RBFOX1: variants seen among roughly 807,000 people sequenced by gnomAD.
RBFOX1 encodes the protein RNA binding protein fox-1 homolog 1.
RBFOX1 carries 8 observed loss-of-function variants against 57.7 expected under a neutral mutation model. The ratio of observed to expected loss-of-function variants is 0.14; its 90% confidence interval spans 0.08 to 0.25. RBFOX1 has a LOEUF of 0.25. RBFOX1 is among the 10% of genes least tolerant of loss of function. The pLI, the probability that RBFOX1 is intolerant of heterozygous loss-of-function variation, is 1.00. For missense variants in RBFOX1, 611 were observed against 548.5 expected (o/e 1.11, Z -1.14); for synonymous variants, 326 against 222.4 (o/e 1.47, Z -4.15).
intron 4 of RBFOX1, among the ~76,000 whole-genome samples, chr16:7,430,797 C>G (rs755692825): frequency 4.6e-5 from 7 of 152,164 alleles, no homozygotes; most frequent in Admixed American, 3.9e-4. Context: ...CCTGGATGGC[C>G]AAGTGCAAGT....
In RBFOX1 at chr16:6,848,468, G is replaced by A. The variant is rs572888279; in HGVS notation, c.-16+193818G>A. ...ATGGCCAGCAGGCACCCGATTGCCAGCCCACCTTAGACTGAAGGCACTATT... is the reference window on the plus strand; with the variant it reads ...ATGGCCAGCAGGCACCCGATTGCCAACCCACCTTAGACTGAAGGCACTATT... On this transcript the variant is annotated intron_variant, in intron 3 of 15. Coordinates refer to ENST00000550418, the MANE Select transcript of RBFOX1 (RefSeq NM_018723.4). Among the ~76,000 whole-genome samples, 174 of 152,232 alleles carry A rather than the reference G, an allele frequency of 1.1e-3. 1 individual carries two copies. The highest frequency in any genetic ancestry group is 5.2e-3 in the South Asian group (25 of 4,816).
At position 7,439,497 on chromosome 16, in the gene RBFOX1, T is replaced by C. The variant is rs569967724; in HGVS notation, c.28-78650T>C. Among the ~76,000 whole-genome samples the C allele has an allele frequency of 6.6e-5, 10 of 152,294 alleles. No individual in the cohort carries two copies. The South Asian group carries it at 2.1e-3, about 32-fold the overall frequency. The stretch of plus-strand genomic sequence containing the variant: ...AATTTTTAACCCAGAATTATCCACC[T>C]AGTTCCTCCCATCTCCAGGCCTTGT... On this transcript the variant is annotated intron_variant, in intron 4 of 15. Coordinates refer to ENST00000550418, the MANE Select transcript of RBFOX1 (RefSeq NM_018723.4).
At chr16:7,612,153 C>T (rs1039793031) in intron 10 of RBFOX1, among the ~76,000 whole-genome samples, 2 of 151,764 alleles carry the variant, frequency 1.3e-5, no homozygotes, top group Non-Finnish European at 2.9e-5. Flanking sequence ...AACCCCGTCT[C>T]TACTAAAAAT....
chr16:7,655,090 A>G (rs2065975742), intron 12 of RBFOX1, among the ~76,000 whole-genome samples: 1 of 152,242 alleles, frequency 6.6e-6, no homozygotes, highest in Non-Finnish European at 1.5e-5. Flanking sequence ...TGTTGCTTGT[A>G]AATCTTTCAG....
chr16:5,768,292 T>G lies in RBFOX1; in HGVS notation c.319-99011T>G, dbSNP rs370455148. Reference sequence around the variant, plus strand: ...ATTTAACAAAGGAAGCGCTGAAATGTGCATCAAATGGGGGCCGCTAAGATA... The same window carrying G: ...ATTTAACAAAGGAAGCGCTGAAATGGGCATCAAATGGGGGCCGCTAAGATA... On this transcript the variant is annotated intron_variant, in intron 3 of 19. Coordinates refer to the RBFOX1 transcript ENST00000641259. Among the ~76,000 whole-genome samples the G allele has an allele frequency of 7.5e-4, 115 of 152,328 alleles. 1 individual carries two copies. The Middle Eastern group carries it at 0.014, about 18-fold the overall frequency.
intron 3 of RBFOX1, among the ~76,000 whole-genome samples, chr16:5,675,966 G>T (rs73514590): frequency 0.036 from 5,467 of 152,150 alleles, 312 homozygotes; most frequent in African/African-American, 0.12. Flanking sequence ...CTATAATTAG[G>T]TTATTAGAGG....
chr16:6,198,606 C>A (rs1229177428), intron 1 of RBFOX1, among the ~76,000 whole-genome samples: 1 of 152,102 alleles, frequency 6.6e-6, no homozygotes, highest in Non-Finnish European at 1.5e-5. Flanking sequence ...CCTAACATTC[C>A]ATGCTTTTAA....
chr16:7,619,628 T>C (rs1422703253), intron 10 of RBFOX1, among the ~76,000 whole-genome samples: 1 of 152,044 alleles, frequency 6.6e-6, no homozygotes, highest in Non-Finnish European at 1.5e-5. Flanking sequence ...GAGAAGCCTG[T>C]CTAGACAGCT....
chr16:5,755,461 G>C (rs913969945), intron 3 of RBFOX1, among the ~76,000 whole-genome samples: 1 of 152,154 alleles, frequency 6.6e-6, no homozygotes, highest in Middle Eastern at 3.2e-3. Flanking sequence ...TCAATTGATG[G>C]CATGTGGCTG....
At chr16:7,101,666 T>C (rs913626861) in intron 4 of RBFOX1, among the ~76,000 whole-genome samples, 58 of 152,168 alleles carry the variant, frequency 3.8e-4, no homozygotes, top group African/African-American at 1.4e-3. Flanking sequence ...GGCAAGATTT[T>C]AAGGCATGTT....
intron 2 of RBFOX1, among the ~76,000 whole-genome samples, chr16:6,320,983 G>T (rs1338482136): frequency 1.3e-5 from 2 of 152,088 alleles, no homozygotes; most frequent in Admixed American, 1.3e-4. Context: ...TAGTAGAAAT[G>T]GGGTTTTGCC....
chr16:7,032,275 A>G (rs1489613415), intron 3 of RBFOX1, among the ~76,000 whole-genome samples: 3 of 151,920 alleles, frequency 2.0e-5, no homozygotes, highest in Non-Finnish European at 4.4e-5. Context: ...AAAAACAAAA[A>G]CAAAAACAAA....
At chr16:7,526,245 C>T (rs1430574205) in intron 5 of RBFOX1, among the ~76,000 whole-genome samples, 1 of 152,154 alleles carries the variant, frequency 6.6e-6, no homozygotes, top group East Asian at 1.9e-4. Flanking sequence ...TTGTCTTCCA[C>T]AAAACTGGTA....
chr16:6,056,956 T>C (rs1282521899), intron 1 of RBFOX1: 1 of 152,148 alleles, frequency 6.6e-6, no homozygotes, highest in Non-Finnish European at 1.5e-5. Flanking sequence ...ACTCTCTTTT[T>C]ATGATACCTT....
chr16:7,379,520 A>C (rs12443865), intron 4 of RBFOX1, among the ~76,000 whole-genome samples: 1 of 152,192 alleles, frequency 6.6e-6, no homozygotes, highest in African/African-American at 2.4e-5. Context: ...TTTAAAATAC[A>C]CTGGAGTTTT....
chr16:7,380,832 G>C (rs1362949422), intron 4 of RBFOX1, among the ~76,000 whole-genome samples: 1 of 152,130 alleles, frequency 6.6e-6, no homozygotes, highest in African/African-American at 2.4e-5. Flanking sequence ...ATAGAAGCAG[G>C]GGTCTTCTCC....
chr16:7,706,032 G>A lies in RBFOX1; in HGVS notation c.996-3024G>A, dbSNP rs570327672. On this transcript the variant is annotated intron_variant, in intron 14 of 15. Coordinates refer to ENST00000550418, the MANE Select transcript of RBFOX1 (RefSeq NM_018723.4). ...CCCATCATTCCTGTGGACATCCTGG[G>A]TATTGCTGTGCTCTGTCTCCGGGCT... Among the ~76,000 whole-genome samples the A allele has an allele frequency of 3.9e-5, 6 of 152,228 alleles. No individual in the cohort carries two copies. The South Asian group carries it at 1.2e-3, about 32-fold the overall frequency.
At chr16:6,025,632 G>A (rs2095176430) in intron 1 of RBFOX1, among the ~76,000 whole-genome samples, 1 of 152,176 alleles carries the variant, frequency 6.6e-6, no homozygotes, top group Non-Finnish European at 1.5e-5. Flanking sequence ...GTCTGTCCGG[G>A]TAGGTTCCCT....
At chr16:6,990,123 A>C (rs2091172018) in intron 3 of RBFOX1, among the ~76,000 whole-genome samples, 1 of 152,236 alleles carries the variant, frequency 6.6e-6, no homozygotes. Flanking sequence ...TGTCACCAAC[A>C]ACTAGTAAAC....
Sources: allele counts gnomAD v4.1 joint callset (sites outside exome capture counted in the v4.1 genomes callset), GRCh38; gene constraint gnomAD v4.1.1; transcripts MANE v1.5; gene names NCBI Gene and HGNC (gene_info 2026-07-23, HGNC 2026-07-21).